LRFN2: variants seen among roughly 807,000 people sequenced by gnomAD.
LRFN2 encodes the protein leucine rich repeat and fibronectin type III domain containing 2.
Under a neutral mutation model 37.3 loss-of-function variants are expected in LRFN2, and 18 were observed. The observed-to-expected ratio is 0.48, with a 90% CI of 0.33 to 0.72. LRFN2 has a LOEUF of 0.72. Ranked by LOEUF, LRFN2 falls within the 30% of genes least tolerant of loss-of-function variation. The pLI is 0.02. For missense variants in LRFN2, 1,006 were observed against 1,060.7 expected (o/e 0.95, Z 0.72); for synonymous variants, 556 against 466.6 (o/e 1.19, Z -2.47).
rs1420100364 is a variant in LRFN2, at chr6:40,559,736, T to G, written c.-19+27205A>C. On this transcript the variant is annotated intron_variant, in intron 1 of 2. Transcript: ENST00000338305. ...CTGGGCATGTCCTACCCTAGCTGCC[T>G]ACTCCACCCCTGCCCAAGCACCCTC... Among the ~76,000 whole-genome samples the G allele has an allele frequency of 8.5e-5, 13 of 152,276 alleles. No homozygotes were observed. In the East Asian group the frequency reaches 2.3e-3, roughly 27 times the overall value.
chr6:40,584,393 A>G (rs846531), intron 1 of LRFN2, among the ~76,000 whole-genome samples: 1 of 152,022 alleles, frequency 6.6e-6, no homozygotes, highest in Admixed American at 6.5e-5. Context: ...AACCCAGGCC[A>G]CCCAAGTTGA....
chr6:40,586,900 A>C (rs1217681230), intron 1 of LRFN2, 41 bp downstream of exon 1: 1 of 152,204 alleles, frequency 6.6e-6, no homozygotes, highest in Non-Finnish European at 1.5e-5. Flanking sequence ...GCTCCCGCGG[A>C]CACCCGGGAT....
At position 40,574,516 on chromosome 6, in the gene LRFN2, G is replaced by C. The variant is rs867274936; in HGVS notation, c.-19+12425C>G. On this transcript the variant is annotated intron_variant, in intron 1 of 2. Coordinates refer to ENST00000338305, the MANE Select transcript of LRFN2 (RefSeq NM_020737.3). ...TATGCTCCCAGTTTGTGTCCATCAC[G>C]GGGTGGGGGGTGGCGGGGAGTGCTG... 2.0e-5 allele frequency among the ~76,000 whole-genome samples: 3 copies of C among 152,186 alleles called. No individual in the cohort carries two copies. The South Asian group carries it at 6.2e-4, about 32-fold the overall frequency.
intron 1 of LRFN2, among the ~76,000 whole-genome samples, chr6:40,460,040 A>G (rs888893708): frequency 6.6e-6 from 1 of 152,338 alleles, no homozygotes; most frequent in East Asian, 1.9e-4. Flanking sequence ...ATGGGTGCCC[A>G]TGAAGCTGGG....
intron 1 of LRFN2, among the ~76,000 whole-genome samples, chr6:40,471,307 G>A (rs536027049): frequency 6.6e-6 from 1 of 152,308 alleles, no homozygotes; most frequent in South Asian, 2.1e-4. Context: ...TGGGAAGATG[G>A]ATGGCTCTAG....
intron 1 of LRFN2, among the ~76,000 whole-genome samples, chr6:40,496,782 A>G (rs1319428045): frequency 4.0e-5 from 6 of 151,482 alleles, no homozygotes; most frequent in Non-Finnish European, 8.8e-5. Flanking sequence ...AGAATATGAG[A>G]CCCTTTGGGG....
chr6:40,471,824 G>C (rs1277560956), intron 1 of LRFN2, among the ~76,000 whole-genome samples: 2 of 152,278 alleles, frequency 1.3e-5, no homozygotes, highest in South Asian at 4.2e-4. Flanking sequence ...CCCACAACCA[G>C]ATATATAGTT....
At chr6:40,451,572 G>C (rs145438484) in intron 1 of LRFN2, among the ~76,000 whole-genome samples, 1 of 152,202 alleles carries the variant, frequency 6.6e-6, no homozygotes, top group African/African-American at 2.4e-5. Flanking sequence ...GACTTAATGA[G>C]CACCTCTCTA....
At chr6:40,462,572 T>C (rs1318450234) in intron 1 of LRFN2, among the ~76,000 whole-genome samples, 1 of 152,216 alleles carries the variant, frequency 6.6e-6, no homozygotes, top group African/African-American at 2.4e-5. Context: ...GTATCTCTTA[T>C]TCAGTCCTTG....
At chr6:40,524,363 C>G (rs71573312) in intron 1 of LRFN2, among the ~76,000 whole-genome samples, 10,856 of 151,288 alleles carry the variant, frequency 0.072, 527 homozygotes, top group South Asian at 0.1. Flanking sequence ...CCACCTCCCC[C>G]TACCCTGACT....
At chr6:40,458,527 T>G (rs544820167) in intron 1 of LRFN2, among the ~76,000 whole-genome samples, 1 of 152,316 alleles carries the variant, frequency 6.6e-6, no homozygotes, top group South Asian at 2.1e-4. Flanking sequence ...CAGAGCAACA[T>G]AAAGTCTCAG....
At position 40,439,101 on chromosome 6, in the gene LRFN2, C is replaced by T. The variant is rs140199683; in HGVS notation, c.-18-5970G>A. Among the ~76,000 whole-genome samples the T allele has an allele frequency of 3.7e-3, 568 of 152,212 alleles. 3 individuals carry two copies. Among genetic ancestry groups the T allele is most frequent in the African/African-American group, 0.011 (468 of 41,528 alleles). ...CTCTGCCTCCCAATCAGAACCACCT[C>T]GAGCTGTTCCAGACAGAAGAGGCAA... On this transcript the variant is annotated intron_variant, in intron 1 of 2. Transcript: ENST00000338305.
At chr6:40,557,248 A>C (rs1766907380) in intron 1 of LRFN2, among the ~76,000 whole-genome samples, 1 of 152,190 alleles carries the variant, frequency 6.6e-6, no homozygotes, top group African/African-American at 2.4e-5. Flanking sequence ...CAGAAGATAC[A>C]AACCAGCCTG....
intron 1 of LRFN2, among the ~76,000 whole-genome samples, chr6:40,586,682 G>A (rs1767509507): frequency 6.6e-6 from 1 of 152,058 alleles, no homozygotes; most frequent in South Asian, 2.1e-4. Flanking sequence ...GTCTCACATG[G>A]ACCCGGCTCT....
intron 1 of LRFN2, among the ~76,000 whole-genome samples, chr6:40,462,815 C>T (rs1001492774): frequency 3.3e-5 from 5 of 152,208 alleles, no homozygotes; most frequent in African/African-American, 7.2e-5. Context: ...CACATGTCCA[C>T]TGTTACCTTA....
intron 1 of LRFN2, among the ~76,000 whole-genome samples, chr6:40,543,942 T>C (rs890142272): frequency 2.0e-5 from 3 of 152,214 alleles, no homozygotes; most frequent in Admixed American, 1.3e-4. Context: ...CCTGACACAC[T>C]CATCCTGTCC....
chr6:40,452,482 C>A (rs1271819998), intron 1 of LRFN2, among the ~76,000 whole-genome samples: 2 of 152,204 alleles, frequency 1.3e-5, no homozygotes, highest in African/African-American at 2.4e-5. Context: ...GAGTCCTGAG[C>A]ACTGCTGGAT....
At chr6:40,523,505 ATTTTTTTTTT>A (rs751179915) in intron 1 of LRFN2, among the ~76,000 whole-genome samples, 1,823 of 129,298 alleles carry the variant, frequency 0.014, 111 homozygotes, top group African/African-American at 0.044. Flanking sequence ...TCTTTAGGTG[ATTTTTTTTTT>A]TTTTTTTTTT....
chr6:40,560,731 T>C (rs186341625), intron 1 of LRFN2, among the ~76,000 whole-genome samples: 4 of 152,334 alleles, frequency 2.6e-5, no homozygotes, highest in East Asian at 1.9e-4. Flanking sequence ...ATAGAATAGA[T>C]AACAGGGCAC....
Sources: allele counts gnomAD v4.1 joint callset (sites outside exome capture counted in the v4.1 genomes callset), GRCh38; gene constraint gnomAD v4.1.1; transcripts MANE v1.5; gene names NCBI Gene and HGNC (gene_info 2026-07-23, HGNC 2026-07-21).